Variants in CNTN5 observed in about 807,000 individuals in gnomAD.
CNTN5 encodes contactin-5.
In CNTN5, 77 loss-of-function variants were observed where a neutral mutation model predicts 129.1. The observed-to-expected ratio is 0.60, with a 90% CI of 0.50 to 0.72. CNTN5 has a LOEUF of 0.72. CNTN5 is among the 30% of genes least tolerant of loss of function. The probability of loss-of-function intolerance (pLI) is 0.00; values close to 1 mark genes in which losing one functional copy is unlikely to be tolerated. For synonymous variants in CNTN5, 509 were observed against 465.6 expected, an observed-to-expected ratio of 1.09 and a Z score of -1.20; for missense variants, 1,478 against 1,328.8, an observed-to-expected ratio of 1.11 and a Z score of -1.75.
chr11:99,547,801 A>G (rs1948349601), intron 2 of CNTN5, among the ~76,000 whole-genome samples: 1 of 152,268 alleles, frequency 6.6e-6, no homozygotes, highest in Middle Eastern at 3.4e-3. Flanking sequence ...GACAATCACC[A>G]CATTTTTGAC....
chr11:99,775,060 C>T (rs1161136495), intron 3 of CNTN5, among the ~76,000 whole-genome samples: 1 of 152,020 alleles, frequency 6.6e-6, no homozygotes, highest in African/African-American at 2.4e-5. Flanking sequence ...GTGGCCAATC[C>T]TTTAAATCTC....
At chr11:99,988,664 C>G (rs182035291) in intron 8 of CNTN5, among the ~76,000 whole-genome samples, 1 of 152,262 alleles carries the variant, frequency 6.6e-6, no homozygotes, top group Non-Finnish European at 1.5e-5. Context: ...GGGACTAAGA[C>G]AGGAAGGGAC....
chr11:99,393,976 A>G (rs1279109772), intron 2 of CNTN5, among the ~76,000 whole-genome samples: 2 of 151,660 alleles, frequency 1.3e-5, no homozygotes, highest in Non-Finnish European at 3.0e-5. Flanking sequence ...TACTTAAGCA[A>G]GTTCTCAGGC....
chr11:99,800,584 G>T (rs1341307897), intron 3 of CNTN5, among the ~76,000 whole-genome samples: 1 of 152,082 alleles, frequency 6.6e-6, no homozygotes, highest in African/African-American at 2.4e-5. Flanking sequence ...AAGTCTATCA[G>T]AGGTCTAAAA....
intron 3 of CNTN5, among the ~76,000 whole-genome samples, chr11:99,742,235 G>C (rs138026735): frequency 1.3e-5 from 2 of 152,216 alleles, no homozygotes; most frequent in Non-Finnish European, 2.9e-5. Context: ...TAAATTCTAA[G>C]TTCACTGATT....
chr11:100,165,128 A>T (rs1051880564), intron 13 of CNTN5, among the ~76,000 whole-genome samples: 8 of 151,788 alleles, frequency 5.3e-5, no homozygotes, highest in Non-Finnish European at 1.5e-5. Flanking sequence ...TGGCAGCAAA[A>T]ATAAAAAATT....
intron 1 of CNTN5, among the ~76,000 whole-genome samples, chr11:99,076,678 T>A: frequency 6.6e-6 from 1 of 152,208 alleles, no homozygotes; most frequent in East Asian, 1.9e-4. Flanking sequence ...GACATTTATG[T>A]CTACTGTAGT....
chr11:99,395,290 G>A (rs4754613), intron 2 of CNTN5, among the ~76,000 whole-genome samples: 151,977 of 152,144 alleles, frequency 1, 75,906 homozygotes, highest in Non-Finnish European at 1. Context: ...TCTAATGATC[G>A]GTGGTGTCGA....
At chr11:99,511,036 T>A (rs148562117) in intron 2 of CNTN5, among the ~76,000 whole-genome samples, 2 of 152,300 alleles carry the variant, frequency 1.3e-5, no homozygotes, top group East Asian at 3.9e-4. Flanking sequence ...GCTGATGTGT[T>A]TGTTTATGTT....
chr11:99,233,683 C>T (rs1403954095), intron 1 of CNTN5, among the ~76,000 whole-genome samples: 6 of 152,156 alleles, frequency 3.9e-5, no homozygotes, highest in Admixed American at 3.3e-4. Flanking sequence ...TGCGGTGGCT[C>T]ACGCCTGTAA....
chr11:99,709,492 G>A (rs947708533), intron 3 of CNTN5, among the ~76,000 whole-genome samples: 2 of 151,656 alleles, frequency 1.3e-5, no homozygotes, highest in African/African-American at 4.8e-5. Context: ...GCACATGCAC[G>A]TAATTACATT....
chr11:100,034,706 A>G (rs1941890415), intron 9 of CNTN5, among the ~76,000 whole-genome samples: 1 of 152,212 alleles, frequency 6.6e-6, no homozygotes, highest in Non-Finnish European at 1.5e-5. Context: ...AGCCTTAGGT[A>G]CTTGCAATAG....
chr11:99,913,278 A>G (rs377752729), intron 6 of CNTN5, among the ~76,000 whole-genome samples: 2 of 152,032 alleles, frequency 1.3e-5, no homozygotes, highest in Non-Finnish European at 2.9e-5. Context: ...ATTTTTTTAC[A>G]TAAACCATTC....
At chr11:99,841,896 ATTT>A (rs1555131155) in intron 4 of CNTN5, among the ~76,000 whole-genome samples, 20 of 22,964 alleles carry the variant, frequency 8.7e-4, no homozygotes, top group African/African-American at 1.4e-3. Context: ...ATATATATAT[ATTT>A]TTTTTTTATG....
chr11:100,097,648 A>G (rs1945054711), intron 13 of CNTN5, among the ~76,000 whole-genome samples: 2 of 152,142 alleles, frequency 1.3e-5, no homozygotes, highest in South Asian at 4.1e-4. Context: ...AGAATAGAGT[A>G]TAGGGAATGA....
chr11:99,842,962 G>A (rs1446815324), intron 4 of CNTN5, among the ~76,000 whole-genome samples: 1 of 152,172 alleles, frequency 6.6e-6, no homozygotes, highest in Non-Finnish European at 1.5e-5. Flanking sequence ...CAGTCGAGGT[G>A]GTTCACTTCT....
intron 6 of CNTN5, among the ~76,000 whole-genome samples, chr11:99,913,065 C>A (rs1446396774): frequency 6.6e-6 from 1 of 151,924 alleles, no homozygotes; most frequent in Non-Finnish European, 1.5e-5. Flanking sequence ...TTCCATTTAT[C>A]TTCTTGGTAC....
intron 21 of CNTN5, among the ~76,000 whole-genome samples, chr11:100,313,210 A>G (rs969974523): frequency 6.6e-6 from 1 of 152,006 alleles, no homozygotes; most frequent in Non-Finnish European, 1.5e-5. Context: ...CTGCTCTTAT[A>G]TGAAGAATGA....
At chr11:99,246,566 A>G (rs923671788) in intron 1 of CNTN5, among the ~76,000 whole-genome samples, 2 of 152,168 alleles carry the variant, frequency 1.3e-5, no homozygotes, top group Admixed American at 1.3e-4. Flanking sequence ...GTCCATATAA[A>G]TACCTCCAAA....
Sources: allele counts gnomAD v4.1 joint callset (sites outside exome capture counted in the v4.1 genomes callset), GRCh38; gene constraint gnomAD v4.1.1; transcripts MANE v1.5; gene names NCBI Gene and HGNC (gene_info 2026-07-23, HGNC 2026-07-21).